DDX10: variants seen among roughly 807,000 people sequenced by gnomAD.
DDX10 encodes the protein DEAD-box helicase 10.
DDX10 carries 74 observed loss-of-function variants against 104.3 expected under a neutral mutation model. The ratio of observed to expected loss-of-function variants is 0.71; its 90% confidence interval spans 0.59 to 0.86. The LOEUF (loss-of-function observed/expected upper bound fraction) is 0.86, where lower values mean the gene tolerates loss of function less well. DDX10 is among the 40% of genes least tolerant of loss of function. The pLI is 0.00. For missense variants in DDX10, 952 were observed against 1,040.0 expected (o/e 0.92, Z 1.16); for synonymous variants, 351 against 353.4 (o/e 0.99, Z 0.08).
intron 13 of DDX10, among the ~76,000 whole-genome samples, chr11:108,823,778 G>C (rs575850508): frequency 7.2e-5 from 11 of 152,298 alleles, no homozygotes; most frequent in African/African-American, 2.6e-4. Context: ...CACTAACCAG[G>C]CTGTCAAGTA....
chr11:108,680,964 A>G (rs2094234131), intron 6 of DDX10, among the ~76,000 whole-genome samples: 1 of 152,202 alleles, frequency 6.6e-6, no homozygotes, highest in South Asian at 2.1e-4. Context: ...CCCTTGGCTT[A>G]CTTTCGAGTG....
At chr11:108,808,753 T>C (rs1217494916) in intron 13 of DDX10, among the ~76,000 whole-genome samples, 2 of 151,976 alleles carry the variant, frequency 1.3e-5, no homozygotes, top group Non-Finnish European at 2.9e-5. Context: ...GGATTTGAGG[T>C]GGCCCACCTT....
intron 13 of DDX10, among the ~76,000 whole-genome samples, chr11:108,765,801 T>G (rs2094355752): frequency 6.6e-6 from 1 of 152,204 alleles, no homozygotes; most frequent in Non-Finnish European, 1.5e-5. Flanking sequence ...ACTGTGTGTT[T>G]TGCACATTAC....
At chr11:108,926,690 A>C (rs1459989441) in intron 17 of DDX10, among the ~76,000 whole-genome samples, 1 of 152,182 alleles carries the variant, frequency 6.6e-6, no homozygotes, top group African/African-American at 2.4e-5. Context: ...AGCTGAGCAC[A>C]TTTTATGGAA....
intron 13 of DDX10, among the ~76,000 whole-genome samples, chr11:108,728,611 C>T (rs971728723): frequency 6.6e-6 from 1 of 150,590 alleles, no homozygotes; most frequent in African/African-American, 2.5e-5. Flanking sequence ...AACTCCCAGG[C>T]CCAAGCGATT....
At chr11:108,882,877 C>T (rs12785398) in intron 16 of DDX10, among the ~76,000 whole-genome samples, 18,739 of 152,170 alleles carry the variant, frequency 0.12, 1,370 homozygotes, top group East Asian at 0.25. Flanking sequence ...CATTTAAAAT[C>T]TCTGGGTCTT....
intron 13 of DDX10, among the ~76,000 whole-genome samples, chr11:108,810,484 T>G (rs1253290387): frequency 1.3e-5 from 2 of 151,814 alleles, no homozygotes; most frequent in East Asian, 3.9e-4. Context: ...AGGACTAGGG[T>G]GTGTGTGTGT....
rs147492113 is a variant in DDX10, at chr11:108,796,798, G to A, written c.1966-41648G>A. Among the ~76,000 whole-genome samples, 511 of 152,236 alleles carry A rather than the reference G, an allele frequency of 3.4e-3. 5 individuals carry two copies. The highest frequency in any genetic ancestry group is 0.012 in the African/African-American group (491 of 41,552). The stretch of plus-strand genomic sequence containing the variant: ...ACCTTTAAGAGGTGTTTCAGCGATG[G>A]GGGCACTGCCGTCATGAATGGATTA... On this transcript the variant is annotated intron_variant, in intron 13 of 17. Coordinates refer to ENST00000322536, the MANE Select transcript of DDX10 (RefSeq NM_004398.4).
rs201858803 is a variant in DDX10, at chr11:108,845,662, G to GA, written c.2247+4195dup. ...ATGTGCCTGAATGAATTTTGCATAT[G>GA]AAAAAAAAACTTCGTAAAACCTATC... On this transcript the variant is annotated intron_variant, in intron 15 of 17. Coordinates refer to ENST00000322536, the MANE Select transcript of DDX10 (RefSeq NM_004398.4). 1.0e-3 allele frequency among the ~76,000 whole-genome samples: 155 copies of GA among 151,164 alleles called. 1 individual carries two copies. In the Middle Eastern group the frequency reaches 0.031, roughly 30 times the overall value.
At chr11:108,827,849 A>G (rs9888174) in intron 13 of DDX10, among the ~76,000 whole-genome samples, 7,823 of 152,264 alleles carry the variant, frequency 0.051, 668 homozygotes, top group African/African-American at 0.18. Context: ...TTGTTCCTGT[A>G]ATAACATTTT....
chr11:108,893,705 G>T (rs1422371900), intron 16 of DDX10, among the ~76,000 whole-genome samples: 1 of 151,930 alleles, frequency 6.6e-6, no homozygotes, highest in African/African-American at 2.4e-5. Context: ...ATATGGATAG[G>T]TGATTTAATC....
intron 16 of DDX10, among the ~76,000 whole-genome samples, chr11:108,890,469 C>T (rs527797106): frequency 6.6e-6 from 1 of 151,966 alleles, no homozygotes; most frequent in African/African-American, 2.4e-5. Context: ...CTCAAGTCCT[C>T]TGAGTGTTAC....
intron 1 of DDX10, among the ~76,000 whole-genome samples, chr11:108,672,476 C>A (rs1008861598): frequency 6.6e-6 from 1 of 152,162 alleles, no homozygotes. Flanking sequence ...GCCTCCTTTC[C>A]AGTGATATCT....
In DDX10 at chr11:108,680,866, G is replaced by A. The variant is rs925565571; in HGVS notation, c.848+1306G>A. Among the ~76,000 whole-genome samples, 3 of 152,250 alleles carry A rather than the reference G, an allele frequency of 2.0e-5. No homozygotes were observed. In the East Asian group the frequency reaches 5.8e-4, roughly 29 times the overall value. On this transcript the variant is annotated intron_variant, in intron 6 of 17. Transcript: ENST00000322536. The stretch of plus-strand genomic sequence containing the variant: ...GAAGAGGCCAGATTCTTTGCTTCTG[G>A]GTGATCTTGGGGAATCTGAGTACTG...
intron 16 of DDX10, among the ~76,000 whole-genome samples, chr11:108,901,034 G>GCCA (rs1338929762): frequency 6.6e-6 from 1 of 151,980 alleles, no homozygotes; most frequent in Admixed American, 6.6e-5. Flanking sequence ...CTTAATATCT[G>GCCA]CCACCACCAC....
intron 13 of DDX10, among the ~76,000 whole-genome samples, chr11:108,835,923 A>G (rs1470272877): frequency 2.0e-5 from 3 of 152,068 alleles, no homozygotes; most frequent in Admixed American, 1.3e-4. Flanking sequence ...GTTTAGCTTT[A>G]GGAAGTTTCA....
At chr11:108,684,138 GTTC>G (rs2094239418) in intron 6 of DDX10, among the ~76,000 whole-genome samples, 1 of 12,096 alleles carries the variant, frequency 8.3e-5, no homozygotes, top group Admixed American at 8.7e-4. Flanking sequence ...TCTATTTCCA[GTTC>G]TTTTTTTTTT....
chr11:108,841,522 C>T (rs190746889), intron 15 of DDX10, 46 bp downstream of exon 15: 17 of 1,524,146 alleles, frequency 1.1e-5, no homozygotes, highest in African/African-American at 4.1e-5. Flanking sequence ...TTTAGTGTCC[C>T]GAAGTATATC....
intron 13 of DDX10, among the ~76,000 whole-genome samples, chr11:108,777,846 T>G (rs951576672): frequency 6.6e-6 from 1 of 152,180 alleles, no homozygotes; most frequent in Non-Finnish European, 1.5e-5. Flanking sequence ...TTCAGGAAAG[T>G]GTCAGGATAC....
Sources: gnomAD v4.1 joint callset for allele counts (sites outside exome capture counted in the v4.1 genomes callset) on GRCh38, gnomAD v4.1.1 for gene constraint, MANE v1.5 for transcripts, NCBI Gene and HGNC (gene_info 2026-07-23, HGNC 2026-07-21) for gene names.